ZNF503: variants seen among roughly 807,000 people sequenced by gnomAD.
The protein encoded by ZNF503 is NocA-like zinc finger 2.
A neutral mutation model predicts 34.4 loss-of-function variants in ZNF503; 15 were observed. That is an observed-to-expected ratio of 0.44 (90% CI 0.29 to 0.67). The LOEUF (loss-of-function observed/expected upper bound fraction) is 0.67. Among genes scored for constraint, ZNF503 ranks in the 30% least tolerant of loss-of-function variants. The pLI is 0.13. For synonymous variants in ZNF503, 580 were observed against 456.8 expected, an observed-to-expected ratio of 1.27 and a Z score of -3.44; for missense variants, 1,007 against 926.8, an observed-to-expected ratio of 1.09 and a Z score of -1.12.
the ZNF503 span, chr10:75,338,551 AG>A: frequency 2.6e-5 from 4 of 152,116 alleles, no homozygotes; most frequent in Admixed American, 2.0e-4. Context: ...CCAAGGGGAG[AG>A]GGGATTTCTG....
At chr10:75,382,507 T>C in the ZNF503 span, 44 of 726,370 alleles carry the variant, frequency 6.1e-5, no homozygotes, top group Non-Finnish European at 7.9e-5. Flanking sequence ...CAACCTCTTC[T>C]TTTTCCTTAT....
the ZNF503 span, among the ~76,000 whole-genome samples, chr10:75,334,230 C>T: frequency 1.3e-5 from 2 of 152,112 alleles, no homozygotes; most frequent in Non-Finnish European, 2.9e-5. Context: ...GTCCGCTCCT[C>T]CAGCCGCTGC....
At chr10:75,400,457 A>T in intron 1 of ZNF503, 83 bp from the exon 2 acceptor site, 1 of 1,471,336 alleles carries the variant, frequency 6.8e-7, no homozygotes, top group Non-Finnish European at 8.9e-7. Flanking sequence ...TGGGGTTCAA[A>T]TGCCTCTCCG....
the ZNF503 span, among the ~76,000 whole-genome samples, chr10:75,340,981 C>G: frequency 1.3e-5 from 2 of 152,130 alleles, no homozygotes; most frequent in Admixed American, 6.5e-5. Context: ...TCATTCTGAC[C>G]CTATTTTTAT....
At chr10:75,400,872 T>G in intron 1 of ZNF503, 1 of 645,918 alleles carries the variant, frequency 1.5e-6, no homozygotes, top group Non-Finnish European at 2.6e-6. Context: ...GGGGCTTTCA[T>G]ATCGAAAGGA....
At chr10:75,336,692 C>T in the ZNF503 span, among the ~76,000 whole-genome samples, 1 of 152,162 alleles carries the variant, frequency 6.6e-6, no homozygotes, top group Non-Finnish European at 1.5e-5. Flanking sequence ...AGATGTTGGC[C>T]AGGCTGGGAT....
chr10:75,392,829 A>T, the ZNF503 span, among the ~76,000 whole-genome samples: 13 of 152,214 alleles, frequency 8.5e-5, no homozygotes, highest in Admixed American at 3.3e-4. Flanking sequence ...TTTACTAAGA[A>T]CCAGTATGAA....
the ZNF503 span, among the ~76,000 whole-genome samples, chr10:75,316,352 T>G: frequency 7.3e-6 from 1 of 136,974 alleles, no homozygotes; most frequent in Admixed American, 7.1e-5. Context: ...TTCTTTTCCT[T>G]TTTTTTTTTT....
At chr10:75,357,467 A>G in the ZNF503 span, among the ~76,000 whole-genome samples, 2 of 152,160 alleles carry the variant, frequency 1.3e-5, no homozygotes, top group Admixed American at 6.5e-5. Flanking sequence ...ACAGAGAGCC[A>G]CGATGGCATC....
At chr10:75,389,878 G>T in the ZNF503 span, among the ~76,000 whole-genome samples, 1 of 152,140 alleles carries the variant, frequency 6.6e-6, no homozygotes, top group African/African-American at 2.4e-5. Context: ...TTTTGGGTTG[G>T]AGGCTGTATT....
At position 75,400,231 on chromosome 10, in the gene ZNF503, G is replaced by T; in HGVS notation, c.459C>A (p.Gly153=). ...GGGGGCCCGATTTGGTGTCCTTGTC[G>T]CCCGCAGCACCGCCGCCGGCACCGC... The part of the protein sequence containing the change: ...GAGGAGGGAA[G]DKDTKSGPLK... Residue 153 remains glycine (G), a synonymous_variant, in exon 2 of 2, where the codon GGC becomes GGA. Coordinates refer to ENST00000372524, the MANE Select transcript of ZNF503 (RefSeq NM_032772.6). 2 of 1,609,740 alleles carry T rather than the reference G, an allele frequency of 1.2e-6. No homozygotes were observed. Among genetic ancestry groups the T allele is most frequent in the African/African-American group, 1.3e-5 (1 of 74,806 alleles).
the ZNF503 span, chr10:75,280,126 A>G: frequency 2.0e-5 from 3 of 152,190 alleles, no homozygotes; most frequent in African/African-American, 7.2e-5. Flanking sequence ...TAGAACTTGT[A>G]CAAGCCAAAA....
the ZNF503 span, among the ~76,000 whole-genome samples, chr10:75,366,170 T>G: frequency 1.3e-5 from 2 of 152,230 alleles, no homozygotes; most frequent in African/African-American, 2.4e-5. Flanking sequence ...GGAGGAATAT[T>G]CCCTCTAGGC....
downstream of ZNF503, among the ~76,000 whole-genome samples, chr10:75,393,229 G>A (rs73288949): frequency 0.011 from 1,730 of 152,292 alleles, 41 homozygotes; most frequent in African/African-American, 0.04. Context: ...GTAGGATTAA[G>A]TGCTTGGCTT....
chr10:75,333,564 G>A, the ZNF503 span, among the ~76,000 whole-genome samples: 1 of 84,052 alleles, frequency 1.2e-5, no homozygotes, highest in Non-Finnish European at 2.3e-5. Flanking sequence ...CTCCCGGACG[G>A]GGCAGCTGGC....
At chr10:75,352,694 G>A in the ZNF503 span, among the ~76,000 whole-genome samples, 1 of 152,186 alleles carries the variant, frequency 6.6e-6, no homozygotes, top group Non-Finnish European at 1.5e-5. Context: ...TGCAGATTGG[G>A]CACATTCTCA....
chr10:75,357,786 G>T, the ZNF503 span, among the ~76,000 whole-genome samples: 1 of 152,304 alleles, frequency 6.6e-6, no homozygotes, highest in Admixed American at 6.5e-5. Context: ...ATTGGGCCAT[G>T]ATATGCAGCT....
the ZNF503 span, chr10:75,283,374 A>AGAGAAGAGAAGC: frequency 6.6e-6 from 1 of 152,306 alleles, no homozygotes; most frequent in Non-Finnish European, 1.5e-5. Context: ...GGCTGGTGTC[A>AGAGAAGAGAAGC]ATCCTCCTCC....
At chr10:75,381,039 C>A in the ZNF503 span, among the ~76,000 whole-genome samples, 1 of 152,208 alleles carries the variant, frequency 6.6e-6, no homozygotes, top group Non-Finnish European at 1.5e-5. Context: ...GCCCTCCAAT[C>A]TCCATTCCTT....
Sources: gnomAD v4.1 joint callset for allele counts (sites outside exome capture counted in the v4.1 genomes callset) on GRCh38, gnomAD v4.1.1 for gene constraint, MANE v1.5 for transcripts, NCBI Gene and HGNC (gene_info 2026-07-23, HGNC 2026-07-21) for gene names.